The following RBM34 variants were observed in gnomAD, a reference collection of about 807,000 sequenced individuals.
The protein encoded by RBM34 is RNA binding motif protein 34, also known as RNA-binding protein 34.
A neutral mutation model predicts 44.6 loss-of-function variants in RBM34; 39 were observed. The ratio of observed to expected loss-of-function variants is 0.87; its 90% confidence interval spans 0.68 to 1.14. The LOEUF is 1.14. RBM34 is among the 50% of genes most tolerant of loss of function. The pLI is 0.00. For synonymous variants in RBM34, 194 were observed against 184.0 expected (o/e 1.05, Z -0.44); for missense variants, 572 against 517.9 (o/e 1.10, Z -1.01).
At chr1:235,135,114 G>A (rs1486971357) in intron 10 of RBM34, among the ~76,000 whole-genome samples, 5 of 141,098 alleles carry the variant, frequency 3.5e-5, no homozygotes, top group African/African-American at 8.2e-5. Flanking sequence ...GTGTGATCTC[G>A]GCTCAATGAA....
rs188131274 is a variant in RBM34 at position 235,131,771 on chromosome 1, G to A, written c.1235C>T (p.Thr412Met). The part of the protein sequence containing the change: ...FIGEKAVLLK[T>M]KKKGQKKSGR... ...ACTTTTCTTCTGTCCTTTCTTCTTCGTTTTAAGGAGAACAGCTTTTTCTCC... is the reference window on the plus strand; with the variant it reads ...ACTTTTCTTCTGTCCTTTCTTCTTCATTTTAAGGAGAACAGCTTTTTCTCC... Residue 412 changes from threonine to methionine, a missense_variant, in exon 11 of 11, where the codon ACG becomes ATG. Transcript: ENST00000408888. The A allele has an allele frequency of 4.9e-5, 79 of 1,613,012 alleles. No individual in the cohort carries two copies. In the African/African-American group the frequency reaches 6.8e-4, roughly 14 times the overall value.
At chr1:235,140,372 C>T (rs1013375195) in intron 6 of RBM34, among the ~76,000 whole-genome samples, 13 of 152,136 alleles carry the variant, frequency 8.5e-5, no homozygotes, top group Non-Finnish European at 7.4e-5. Flanking sequence ...GGGCCCCGCA[C>T]TCGGAGCAGC....
In RBM34 at chr1:235,160,616, T is replaced by A. The variant is rs771603978; in HGVS notation, c.260A>T (p.Glu87Val). Reference protein sequence around the residue: ...QTIKKTKRNEEEESTSQIERP... With the variant: ...QTIKKTKRNEVEESTSQIERP... ...TTCAATCTGGGATGTACTTTCTTCC[T>A]CCTCATTCCGTTTCGTTTTTTTGAT... The change falls in exon 3 of 11, where the codon GAG becomes GTG. Residue 87 changes from glutamate (E) to valine (V), a missense_variant. Physicochemically the swap from Glu to Val is moderately radical, Grantham distance 121 (BLOSUM62 -2). Transcript: ENST00000408888. 2 of 1,612,060 alleles carry A rather than the reference T, an allele frequency of 1.2e-6. No homozygotes were observed. The highest frequency in any genetic ancestry group is 4.5e-5 in the East Asian group (2 of 44,874).
chr1:235,149,101 G>A (rs1309870701), intron 5 of RBM34, among the ~76,000 whole-genome samples: 1 of 151,806 alleles, frequency 6.6e-6, no homozygotes, highest in African/African-American at 2.4e-5. Context: ...AAAAATGTAA[G>A]GAAAAGGCCG....
chr1:235,137,552 T>G (rs931735765), intron 8 of RBM34, among the ~76,000 whole-genome samples: 1 of 151,878 alleles, frequency 6.6e-6, no homozygotes, highest in African/African-American at 2.4e-5. Flanking sequence ...TTTTTTTTTT[T>G]TTTTTGTAAA....
intron 6 of RBM34, among the ~76,000 whole-genome samples, chr1:235,147,365 C>T (rs746510994): frequency 3.3e-5 from 5 of 152,202 alleles, no homozygotes; most frequent in Admixed American, 6.5e-5. Flanking sequence ...GTACATACAC[C>T]TGTCAGAACC....
chr1:235,160,980 G>T lies in RBM34; in HGVS notation c.141C>A (p.His47Gln). ...QVASSLFRGE[H>Q]HSRGGTGRLA... ...GCCGACCGGTGCCACCTCTGGAATG[G>T]TGTTCGCCGCGAAATAAGCTACTGG... The change falls in exon 2 of 11, where the codon CAC becomes CAA. Residue 47 changes from histidine to glutamine, a missense_variant. His to Gln is a conservative substitution (Grantham distance 24, BLOSUM62 0). Transcript: ENST00000408888. 1 of 1,614,166 alleles carries T rather than the reference G, an allele frequency of 6.2e-7. No homozygotes were observed. The highest frequency in any genetic ancestry group is 1.1e-5 in the South Asian group (1 of 91,072).
chr1:235,146,012 A>G (rs1661890577), intron 6 of RBM34, among the ~76,000 whole-genome samples: 1 of 119,020 alleles, frequency 8.4e-6, no homozygotes, highest in South Asian at 2.5e-4. Flanking sequence ...GTCTCACTCT[A>G]TCACCCGGGC....
At chr1:235,156,350 A>G (rs1257065440) in intron 3 of RBM34, among the ~76,000 whole-genome samples, 1 of 152,178 alleles carries the variant, frequency 6.6e-6, no homozygotes, top group Non-Finnish European at 1.5e-5. Context: ...CTGCCATGCA[A>G]CAGCAGCAGC....
chr1:235,155,868 CA>C (rs1662418316), intron 3 of RBM34, among the ~76,000 whole-genome samples: 24 of 24,734 alleles, frequency 9.7e-4, no homozygotes, highest in African/African-American at 4.4e-3. Flanking sequence ...TATATATATA[CA>C]TATATACTTT....
chr1:235,153,797 G>C (rs993407579), intron 4 of RBM34, among the ~76,000 whole-genome samples: 1 of 152,152 alleles, frequency 6.6e-6, no homozygotes, highest in African/African-American at 2.4e-5. Context: ...GCAGGATACC[G>C]AGCTAAGGAT....
intron 8 of RBM34, among the ~76,000 whole-genome samples, chr1:235,136,682 T>C (rs1661446090): frequency 6.6e-6 from 1 of 152,222 alleles, no homozygotes; most frequent in Non-Finnish European, 1.5e-5. Context: ...CCTTCATTCA[T>C]TTCTAGGCAC....
chr1:235,156,619 A>G, intron 3 of RBM34: 1 of 457,444 alleles, frequency 2.2e-6, no homozygotes, highest in South Asian at 1.6e-5. Context: ...GAAACGGTAA[A>G]TACAATATAA....
At chr1:235,132,274 T>C (rs572867274) in intron 10 of RBM34, among the ~76,000 whole-genome samples, 4 of 152,310 alleles carry the variant, frequency 2.6e-5, no homozygotes, top group Admixed American at 1.3e-4. Flanking sequence ...AAAATGAGGT[T>C]CTAGACTAGA....
At chr1:235,149,866 T>A (rs940691236) in intron 5 of RBM34, among the ~76,000 whole-genome samples, 1 of 152,232 alleles carries the variant, frequency 6.6e-6, no homozygotes, top group Non-Finnish European at 1.5e-5. Flanking sequence ...ATAGTTTACA[T>A]AGTAAAACTA....
rs1206393348 is a variant in RBM34, at chr1:235,149,375, C to T, written c.658-928G>A. ...CTGCACTCCAGCCTGGGCGACAGAA[C>T]GAGACTCCGTCTCAAAAAAAAAAAA... On this transcript the variant is annotated intron_variant, in intron 5 of 10. Coordinates refer to ENST00000408888, the MANE Select transcript of RBM34 (RefSeq NM_015014.4). 1.2e-4 allele frequency among the ~76,000 whole-genome samples: 15 copies of T among 123,836 alleles called. No homozygotes were observed. In the East Asian group the frequency reaches 2.2e-3, roughly 18 times the overall value. 81.2% of individuals were successfully genotyped at this position (123,836 alleles called of 152,430 possible).
At position 235,135,952 on chromosome 1, in the gene RBM34, A is replaced by G. The variant is rs560592907; in HGVS notation, c.889+82T>C. On this transcript the variant is annotated intron_variant, in intron 9 of 10. Coordinates refer to ENST00000408888, the MANE Select transcript of RBM34 (RefSeq NM_015014.4). ...CATGCTTTAAAATTAGTCTTAAATC[A>G]AAACATTAAGTTACTACTCAGTTCT... 15 of 1,338,742 alleles carry G rather than the reference A, an allele frequency of 1.1e-5. No homozygotes were observed. In the South Asian group the frequency reaches 1.3e-4, roughly 12 times the overall value. The allele number at this position is 1,338,742 out of a possible 1,614,324, so 82.9% of individuals were successfully genotyped here.
chr1:235,147,254 G>C (rs1558143826), intron 6 of RBM34, among the ~76,000 whole-genome samples: 1 of 151,952 alleles, frequency 6.6e-6, no homozygotes, highest in Admixed American at 6.6e-5. Context: ...ACAAAACAAA[G>C]AAACAAAAAA....
intron 5 of RBM34, among the ~76,000 whole-genome samples, chr1:235,149,436 T>C (rs1219017871): frequency 6.6e-6 from 1 of 151,930 alleles, no homozygotes; most frequent in Non-Finnish European, 1.5e-5. Context: ...AAGAAATGTT[T>C]ATAAATTAAC....
Sources: gnomAD v4.1 joint callset for allele counts (sites outside exome capture counted in the v4.1 genomes callset) on GRCh38, gnomAD v4.1.1 for gene constraint, MANE v1.5 for transcripts, NCBI Gene and HGNC (gene_info 2026-07-23, HGNC 2026-07-21) for gene names.